Variants in ATP6V0A2 observed in about 807,000 individuals in gnomAD.
ATP6V0A2 encodes V-type proton ATPase 116 kDa subunit a 2.
A neutral mutation model predicts 104.4 loss-of-function variants in ATP6V0A2; 58 were observed. The ratio of observed to expected loss-of-function variants is 0.56; its 90% CI spans 0.45 to 0.69. The LOEUF is 0.69. ATP6V0A2 is among the 30% of genes least tolerant of loss of function. The probability of loss-of-function intolerance (pLI) is 0.00; values close to 1 mark genes in which losing one functional copy is unlikely to be tolerated. For missense variants in ATP6V0A2, 938 were observed against 1,062.9 expected (o/e 0.88, Z 1.63); for synonymous variants, 376 against 397.9 (o/e 0.95, Z 0.65).
Position 123,744,523 on chromosome 12 carries a change from T to C in ATP6V0A2, c.1327-74T>C. ...TTTTCTGAGAAGTGAGTGGTGAGGGTCGTGCCCACACCGACAGCTGTCACA... is the reference window on the plus strand; with the variant it reads ...TTTTCTGAGAAGTGAGTGGTGAGGGCCGTGCCCACACCGACAGCTGTCACA... On this transcript the variant is annotated intron_variant, in intron 11 of 19. Transcript: ENST00000330342. This position sits in a 1 kb window ranked among gnomAD's most constrained non-coding sequence, Gnocchi z 5.4. 1 of 1,586,332 alleles carries C rather than the reference T, an allele frequency of 6.3e-7. No individual in the cohort carries two copies. The highest frequency in any genetic ancestry group is 8.6e-7 in the Non-Finnish European group (1 of 1,158,896).
chr12:123,740,664 G>A (rs7399128), intron 9 of ATP6V0A2, among the ~76,000 whole-genome samples: 90,318 of 152,096 alleles, frequency 0.59, 27,557 homozygotes, highest in East Asian at 0.95. Context: ...AGGACCTCCT[G>A]TCATCTTTCA....
At chr12:123,714,122 G>A (rs544670726) in intron 1 of ATP6V0A2, among the ~76,000 whole-genome samples, 4 of 152,256 alleles carry the variant, frequency 2.6e-5, no homozygotes, top group African/African-American at 2.4e-5. Context: ...TTTTCCTTCC[G>A]GTTAGTACTC....
At chr12:123,726,176 G>A (rs898341286) in intron 4 of ATP6V0A2, 21 bp from the exon 5 acceptor site, 1 of 1,553,558 alleles carries the variant, frequency 6.4e-7, no homozygotes. Flanking sequence ...GACACACTTG[G>A]TTTCATATGT....
Position 123,744,873 on chromosome 12 carries a change from T to C in ATP6V0A2, c.1515-9T>C, listed in dbSNP as rs1378417165. The C allele has an allele frequency of 1.2e-6, 2 of 1,614,042 alleles. No homozygotes were observed. The highest frequency in any genetic ancestry group is 4.5e-5 in the East Asian group (2 of 44,896). On this transcript the variant is annotated splice_polypyrimidine_tract_variant and intron_variant, in intron 12 of 19. Transcript: ENST00000330342. The surrounding 1 kb of genome is among the most constrained non-coding windows in gnomAD (Gnocchi z 5.4). ...CAGGTCAGCCTCCTCACTCTGCTTTTTGTTACAGTGACAGCGTCGTTAGAC... is the reference window on the plus strand; with the variant it reads ...CAGGTCAGCCTCCTCACTCTGCTTTCTGTTACAGTGACAGCGTCGTTAGAC...
At chr12:123,743,404 A>G (rs1406641568) in intron 9 of ATP6V0A2, among the ~76,000 whole-genome samples, 5 of 152,218 alleles carry the variant, frequency 3.3e-5, no homozygotes, top group Non-Finnish European at 7.3e-5. Flanking sequence ...CTGTAATCCC[A>G]GCACATTGGG....
intron 9 of ATP6V0A2, among the ~76,000 whole-genome samples, chr12:123,740,579 T>G (rs1476539436): frequency 6.6e-6 from 1 of 152,224 alleles, no homozygotes; most frequent in Non-Finnish European, 1.5e-5. Context: ...GGTGGTTTTG[T>G]TAATTTCATA....
At chr12:123,750,158 C>G (rs1287951066) in intron 15 of ATP6V0A2, 2 of 152,226 alleles carry the variant, frequency 1.3e-5, no homozygotes, top group Non-Finnish European at 2.9e-5. Flanking sequence ...AGGGCAGCTA[C>G]CTTTCTTTAC....
Position 123,720,075 on chromosome 12 carries a change from A to G in ATP6V0A2, c.196+1374A>G, listed in dbSNP as rs546407545. 2.1e-3 allele frequency among the ~76,000 whole-genome samples: 312 copies of G among 151,686 alleles called. 2 individuals are homozygous for G. Among genetic ancestry groups the G allele is most frequent in the African/African-American group, 7.3e-3 (302 of 41,336 alleles). ...CTTCCTTTCTCTCGGCTGACCTTAC[A>G]CTCCTGACCTCAGGTGATCCACTGG... is the stretch of plus-strand genomic sequence containing the variant. On this transcript the variant is annotated intron_variant, in intron 2 of 19. Coordinates refer to ENST00000330342, the MANE Select transcript of ATP6V0A2 (RefSeq NM_012463.4).
At position 123,744,915 on chromosome 12, in the gene ATP6V0A2, GC is replaced by G; in HGVS notation, c.1549del (p.Leu517TrpfsTer31). ...TCGTTAGACACAACAGCATTTTGCAGCTGGATCCAAGCATTCCTGGAGTGTT... is the reference window on the plus strand; with the variant it reads ...TCGTTAGACACAACAGCATTTTGCAGTGGATCCAAGCATTCCTGGAGTGTT... ...SVVRHNSILQ[L>X]DPSIPGVFRG... On this transcript the variant is annotated frameshift_variant, in exon 13 of 20. Transcript: ENST00000330342. LOFTEE classifies it high-confidence loss of function. The surrounding 1 kb of genome is among the most constrained non-coding windows in gnomAD (Gnocchi z 5.4). The G allele has an allele frequency of 6.2e-7, 1 of 1,614,190 alleles. No homozygotes were observed. Among genetic ancestry groups the G allele is most frequent in the Non-Finnish European group, 8.5e-7 (1 of 1,180,032 alleles).
chr12:123,743,086 C>G (rs922153566), intron 9 of ATP6V0A2, among the ~76,000 whole-genome samples: 1 of 151,990 alleles, frequency 6.6e-6, no homozygotes, highest in African/African-American at 2.4e-5. Context: ...CTTTCTTCAC[C>G]GTTTTTAAGA....
In ATP6V0A2 at chr12:123,736,005, C is replaced by T. The variant is rs111324004; in HGVS notation, c.825+381C>T. Among the ~76,000 whole-genome samples, 1,334 of 150,538 alleles carry T rather than the reference C, an allele frequency of 8.9e-3. 17 individuals are homozygous for T. Among genetic ancestry groups the T allele is most frequent in the African/African-American group, 0.03 (1,234 of 40,826 alleles). On this transcript the variant is annotated intron_variant, in intron 8 of 19. Transcript: ENST00000330342. ...CTCCTGCCTCAGCCTCCCAAGTAGC[C>T]GGAATTACAGTCACGCACCACCATG...
chr12:123,750,320 T>C (rs1956702376), intron 15 of ATP6V0A2: 1 of 152,530 alleles, frequency 6.6e-6, no homozygotes, highest in African/African-American at 2.4e-5. Flanking sequence ...AGGGCCAGGC[T>C]GTTAACCTAG....
intron 5 of ATP6V0A2, among the ~76,000 whole-genome samples, chr12:123,726,892 A>AT (rs1476020709): frequency 6.6e-6 from 1 of 152,086 alleles, no homozygotes; most frequent in South Asian, 2.1e-4. Context: ...CAGCATTGAG[A>AT]TTTTTTTGTT....
At chr12:123,738,196 A>G (rs1476650277) in intron 9 of ATP6V0A2, among the ~76,000 whole-genome samples, 2 of 152,134 alleles carry the variant, frequency 1.3e-5, no homozygotes, top group African/African-American at 4.8e-5. Flanking sequence ...CGAGGTCAGG[A>G]GTTTGAGACC....
Position 123,737,097 on chromosome 12 carries a change from A to G in ATP6V0A2, c.864A>G (p.Leu288=), listed in dbSNP as rs146627994. 99 of 1,614,118 alleles carry G rather than the reference A, an allele frequency of 6.1e-5. No individual in the cohort carries two copies. In the African/African-American group the frequency reaches 7.2e-4, roughly 12 times the overall value. Residue 288 remains leucine (L), a synonymous_variant, in exon 9 of 20, where the codon CTA becomes CTG. Transcript: ENST00000330342. Reference sequence around the variant, plus strand: ...CCGAGGACTATTTGAGGCAAGTGCTATGTAAAGCCGCCGAGTCTGTCTACA... The same window carrying G: ...CCGAGGACTATTTGAGGCAAGTGCTGTGTAAAGCCGCCGAGTCTGTCTACA... ...HKTEDYLRQV[L]CKAAESVYSR... is the part of the protein sequence containing the mutation.
chr12:123,737,172 C>T lies in ATP6V0A2; in HGVS notation c.939C>T (p.Asn313=), dbSNP rs777375139. 1.2e-6 allele frequency: 2 copies of T among 1,614,178 alleles called. No individual in the cohort carries two copies. Among genetic ancestry groups the T allele is most frequent in the Non-Finnish European group, 1.7e-6 (2 of 1,180,024 alleles). Residue 313 remains asparagine, a synonymous_variant, in exon 9 of 20, where the codon AAC becomes AAT. Transcript: ENST00000330342. ...KKMKAIYHML[N]MCSFDVTNKC... ...TGAAGGCCATCTATCACATGCTGAA[C>T]ATGTGCAGCTTTGACGTGACCAACA...
chr12:123,733,827 A>G (rs772930572), intron 6 of ATP6V0A2, 99 bp from the exon 7 acceptor site: 18 of 847,576 alleles, frequency 2.1e-5, no homozygotes, highest in Non-Finnish European at 3.5e-5. Flanking sequence ...ACTGTATTGA[A>G]TGAGTGAATG....
chr12:123,736,765 C>T lies in ATP6V0A2; in HGVS notation c.826-294C>T, dbSNP rs534994442. On this transcript the variant is annotated intron_variant, in intron 8 of 19. Transcript: ENST00000330342. The stretch of plus-strand genomic sequence containing the variant: ...GGATCCTGGTAGGCCATCACGCTGC[C>T]GCAGTGACAATGACGTCTAACCATT... Among the ~76,000 whole-genome samples the T allele has an allele frequency of 2.6e-4, 39 of 152,164 alleles. 1 individual carries two copies. In the South Asian group the frequency reaches 6.2e-3, roughly 24 times the overall value.
rs1403724310 is a variant in ATP6V0A2 at position 123,759,740 on chromosome 12, G to A, written c.*1708G>A. ...GGCTGTGCAGCTGATTTCAAGGCATGAGCTGAACAGCGTTGACACAGCCGT... is the reference window on the plus strand; with the variant it reads ...GGCTGTGCAGCTGATTTCAAGGCATAAGCTGAACAGCGTTGACACAGCCGT... On this transcript the variant is annotated 3_prime_UTR_variant, in exon 20 of 20. Coordinates refer to ENST00000330342, the MANE Select transcript of ATP6V0A2 (RefSeq NM_012463.4). The A allele has an allele frequency of 6.6e-6, 1 of 152,204 alleles. No individual in the cohort carries two copies. Among genetic ancestry groups the A allele is most frequent in the Non-Finnish European group, 1.5e-5 (1 of 68,032 alleles). 9.4% of individuals were successfully genotyped at this position (152,204 alleles called of 1,614,324 possible). A position where few individuals can be genotyped will look rare whatever the true frequency, so the allele number is the denominator to read the frequency against.
Sources: allele counts gnomAD v4.1 joint callset (sites outside exome capture counted in the v4.1 genomes callset), GRCh38; gene constraint gnomAD v4.1.1; non-coding constraint Gnocchi (gnomAD v3.1); transcripts MANE v1.5; gene names NCBI Gene and HGNC (gene_info 2026-07-23, HGNC 2026-07-21).